The following MAEA variants were observed in gnomAD, a reference collection of about 807,000 sequenced individuals.
MAEA encodes E3 ubiquitin-protein transferase MAEA.
Under a neutral mutation model 46.2 loss-of-function variants are expected in MAEA, and 22 were observed. That is an observed-to-expected ratio of 0.48 (90% confidence interval 0.34 to 0.68). MAEA has a LOEUF of 0.68. Ranked by LOEUF, MAEA falls within the 30% of genes least tolerant of loss-of-function variation. The pLI is 0.01. For synonymous variants in MAEA, 246 were observed against 222.6 expected (o/e 1.11, Z -0.94); for missense variants, 393 against 558.1 (o/e 0.70, Z 2.98).
intron 1 of MAEA, among the ~76,000 whole-genome samples, chr4:1,307,325 C>G (rs922952914): frequency 6.6e-6 from 1 of 152,156 alleles, no homozygotes; most frequent in East Asian, 1.9e-4. Context: ...GCCTCCTCCC[C>G]ACCCCAGCCC....
intron 8 of MAEA, 183 bp downstream of exon 8, chr4:1,338,800 C>T (rs534957792): frequency 3.8e-5 from 25 of 665,856 alleles, no homozygotes; most frequent in South Asian, 7.6e-5. Context: ...CTGTGTGGGG[C>T]GGGCAGGGCA....
chr4:1,328,509 G>A (rs1221218730), intron 5 of MAEA: 2 of 658,294 alleles, frequency 3.0e-6, no homozygotes, highest in Non-Finnish European at 4.2e-6. Flanking sequence ...TTGAGTTGCT[G>A]TGTGGGGTGT....
At chr4:1,332,941 C>T in intron 6 of MAEA, 76 bp downstream of exon 6, 2 of 1,142,142 alleles carry the variant, frequency 1.8e-6, no homozygotes, top group East Asian at 2.7e-5. Context: ...GTAGCTGCTT[C>T]CACACGTGGG....
chr4:1,321,505 A>T (rs879593738), intron 3 of MAEA, among the ~76,000 whole-genome samples: 25 of 152,258 alleles, frequency 1.6e-4, no homozygotes, highest in Non-Finnish European at 3.4e-4. Context: ...AAACAACGTT[A>T]TGAGGGGTTT....
chr4:1,304,326 G>T (rs1392513620), intron 1 of MAEA, among the ~76,000 whole-genome samples: 4 of 152,108 alleles, frequency 2.6e-5, no homozygotes, highest in Non-Finnish European at 4.4e-5. Context: ...AGAGACGGGG[G>T]TGTCTCTATG....
At chr4:1,326,200 G>T (rs779893511) in intron 4 of MAEA, among the ~76,000 whole-genome samples, 5 of 152,210 alleles carry the variant, frequency 3.3e-5, no homozygotes, top group African/African-American at 1.2e-4. Context: ...TCTGGGAAGC[G>T]GAAGTGATGA....
At chr4:1,309,720 C>T (rs1194016507) in intron 1 of MAEA, 3 of 1,519,406 alleles carry the variant, frequency 2.0e-6, no homozygotes, top group Non-Finnish European at 2.6e-6. Flanking sequence ...CCGGTGAGCC[C>T]CTCCCCGGCC....
intron 6 of MAEA, chr4:1,335,189 C>T (rs1276885755): frequency 2.0e-6 from 2 of 985,324 alleles, no homozygotes; most frequent in Non-Finnish European, 1.2e-6. Flanking sequence ...GATGCTTTAA[C>T]CTAACATGGA....
At chr4:1,338,316 C>T in intron 7 of MAEA, 106 bp from the exon 8 acceptor site, 2 of 845,708 alleles carry the variant, frequency 2.4e-6, no homozygotes, top group Non-Finnish European at 3.7e-6. Flanking sequence ...GCATGGCGCC[C>T]ACATAGCCAG....
rs1194066400 is a variant in MAEA, at chr4:1,311,515, C to G, written c.70-464C>G. On this transcript the variant is annotated intron_variant, in intron 1 of 8. Coordinates refer to ENST00000303400, the MANE Select transcript of MAEA (RefSeq NM_001017405.3). This position sits in a 1 kb window ranked among gnomAD's most constrained non-coding sequence, Gnocchi z 4.4. ...CGTGCGTGTGTGAGGCTTGCTGTGC[C>G]CAACCCCAGCCCGTGTGGAGCCCAC... Among the ~76,000 whole-genome samples the G allele has an allele frequency of 1.3e-5, 2 of 152,124 alleles. No individual in the cohort carries two copies. The highest frequency in any genetic ancestry group is 2.4e-5 in the African/African-American group (1 of 41,416).
intron 6 of MAEA, among the ~76,000 whole-genome samples, chr4:1,333,469 C>G (rs930961991): frequency 6.6e-6 from 1 of 152,150 alleles, no homozygotes; most frequent in Non-Finnish European, 1.5e-5. Flanking sequence ...AGGAGTTAGG[C>G]TGCACCGTCT....
In MAEA at chr4:1,289,989, G is replaced by C. The variant is rs1393169778; in HGVS notation, c.69+7G>C. 1 of 1,582,056 alleles carries C rather than the reference G, an allele frequency of 6.3e-7. No homozygotes were observed. Reference sequence around the variant, plus strand: ...GGAGTACCCGACCCTCAAGGTGGGCGCCTGCGCCGCGCAGGCTGAGGGCAG... The same window carrying C: ...GGAGTACCCGACCCTCAAGGTGGGCCCCTGCGCCGCGCAGGCTGAGGGCAG... On this transcript the variant is annotated splice_region_variant and intron_variant, in intron 1 of 8. Transcript: ENST00000303400.
chr4:1,322,774 G>A (rs1738291899), intron 4 of MAEA, among the ~76,000 whole-genome samples: 1 of 152,160 alleles, frequency 6.6e-6, no homozygotes, highest in Non-Finnish European at 1.5e-5. Flanking sequence ...TGCACACAGA[G>A]TGTTGGGGCT....
intron 1 of MAEA, among the ~76,000 whole-genome samples, chr4:1,298,770 T>A (rs1196778502): frequency 6.6e-6 from 1 of 152,184 alleles, no homozygotes; most frequent in East Asian, 1.9e-4. Context: ...ACCCTCTGTG[T>A]ATACTGATGA....
At chr4:1,323,552 T>C (rs1253584097) in intron 4 of MAEA, 1 of 702,306 alleles carries the variant, frequency 1.4e-6, no homozygotes, top group Non-Finnish European at 2.6e-6. Flanking sequence ...GGCTAGTAGC[T>C]CCCCTAAAGA....
rs755375499 is a variant in MAEA at position 1,311,595 on chromosome 4, C to T, written c.70-384C>T. ...TGGCCTCGTGTGGTGGCGCCTGCAG[C>T]CGCAGCAGCCTGGCTGATCACCGGC... On this transcript the variant is annotated intron_variant, in intron 1 of 8. Transcript: ENST00000303400. This position sits in a 1 kb window ranked among gnomAD's most constrained non-coding sequence, Gnocchi z 4.4. Among the ~76,000 whole-genome samples the T allele has an allele frequency of 2.0e-4, 31 of 152,152 alleles. No individual in the cohort carries two copies. Among genetic ancestry groups the T allele is most frequent in the Non-Finnish European group, 4.3e-4 (29 of 68,030 alleles).
intron 1 of MAEA, chr4:1,309,917 G>C: frequency 7.0e-6 from 9 of 1,283,784 alleles, no homozygotes; most frequent in South Asian, 2.7e-5. Flanking sequence ...GAAAGGCCCC[G>C]TTCCCGCGTA....
chr4:1,302,949 G>A (rs1334949440), intron 1 of MAEA, among the ~76,000 whole-genome samples: 3 of 152,090 alleles, frequency 2.0e-5, no homozygotes, highest in African/African-American at 7.2e-5. Context: ...GCGAGTTGTT[G>A]GGTGTGAATG....
intron 6 of MAEA, among the ~76,000 whole-genome samples, chr4:1,333,959 C>T (rs1319858848): frequency 1.1e-5 from 1 of 93,500 alleles, no homozygotes; most frequent in Non-Finnish European, 2.2e-5. Flanking sequence ...CACCCCTGCA[C>T]CCACCCCCAT....
Sources: gnomAD v4.1 joint callset for allele counts (sites outside exome capture counted in the v4.1 genomes callset) on GRCh38, gnomAD v4.1.1 for gene constraint, Gnocchi (gnomAD v3.1) non-coding constraint, MANE v1.5 for transcripts, NCBI Gene and HGNC (gene_info 2026-07-23, HGNC 2026-07-21) for gene names.